The following PKHD1 variants were observed in gnomAD, a reference collection of about 807,000 sequenced individuals.
PKHD1 encodes the protein PKHD1 ciliary IPT domain containing fibrocystin/polyductin.
A neutral mutation model predicts 412.0 loss-of-function variants in PKHD1; 291 were observed. That is an observed-to-expected ratio of 0.71 (90% CI 0.64 to 0.78). PKHD1 has a LOEUF of 0.78. Ranked by LOEUF, PKHD1 falls within the 30% of genes least tolerant of loss-of-function variation. The pLI is 0.00. For missense variants in PKHD1, 4,825 were observed against 4,950.7 expected, an observed-to-expected ratio of 0.97 and a Z score of 0.76; for synonymous variants, 1,777 against 1,821.5, an observed-to-expected ratio of 0.98 and a Z score of 0.62.
chr6:51,739,632 T>C (rs1408449854), intron 60 of PKHD1, among the ~76,000 whole-genome samples: 1 of 152,210 alleles, frequency 6.6e-6, no homozygotes, highest in East Asian at 1.9e-4. Flanking sequence ...GAAATGTTGT[T>C]TTGCTCATTG....
intron 35 of PKHD1, among the ~76,000 whole-genome samples, chr6:51,989,337 C>A (rs12194064): frequency 0.02 from 3,081 of 152,300 alleles, 52 homozygotes; most frequent in South Asian, 0.049. Flanking sequence ...TAAAAAGGAG[C>A]CAATTAAAGT....
At chr6:52,079,085 C>T (rs1359912183) in intron 5 of PKHD1, among the ~76,000 whole-genome samples, 2 of 152,150 alleles carry the variant, frequency 1.3e-5, no homozygotes, top group African/African-American at 2.4e-5. Flanking sequence ...AACAGAGGTA[C>T]CCCATGTGAA....
chr6:52,004,446 G>A (rs540903734), intron 35 of PKHD1, among the ~76,000 whole-genome samples: 19 of 151,880 alleles, frequency 1.3e-4, no homozygotes, highest in South Asian at 4.2e-4. Context: ...TTTAAAGTCC[G>A]TATCTAGTAC....
chr6:52,036,436 G>C (rs908940836), intron 27 of PKHD1, among the ~76,000 whole-genome samples: 7 of 152,246 alleles, frequency 4.6e-5, no homozygotes, highest in African/African-American at 1.7e-4. Flanking sequence ...ACGTTTCCAT[G>C]TGGAGGAGCA....
rs188082985 is a variant in PKHD1 at position 51,908,590 on chromosome 6, C to T, written c.6682+693G>A. Among the ~76,000 whole-genome samples, 142 of 152,268 alleles carry T rather than the reference C, an allele frequency of 9.3e-4. 1 individual carries two copies. Among genetic ancestry groups the T allele is most frequent in the African/African-American group, 3.2e-3 (134 of 41,574 alleles). ...TGAGTTTTTGCCCTGGATGTTCCTA[C>T]ATTCAACTTTTATTTTAGAACTTTT... On this transcript the variant is annotated intron_variant, in intron 40 of 66. Transcript: ENST00000371117.
intron 60 of PKHD1, among the ~76,000 whole-genome samples, chr6:51,710,781 G>A (rs973245697): frequency 6.6e-6 from 1 of 152,168 alleles, no homozygotes; most frequent in African/African-American, 2.4e-5. Flanking sequence ...AAAACCAAAT[G>A]AGGTAAGCGC....
At chr6:51,792,958 G>A (rs1400957622) in intron 52 of PKHD1, among the ~76,000 whole-genome samples, 2 of 152,178 alleles carry the variant, frequency 1.3e-5, no homozygotes, top group African/African-American at 4.8e-5. Flanking sequence ...CTGGTCCTCA[G>A]TGTGATTATG....
intron 54 of PKHD1, among the ~76,000 whole-genome samples, chr6:51,774,442 G>A (rs1202142095): frequency 1.3e-5 from 2 of 151,898 alleles, no homozygotes; most frequent in Admixed American, 6.6e-5. Flanking sequence ...GTGTTATCAC[G>A]CTACAGAAAA....
At chr6:51,767,544 C>T (rs1291251613) in intron 55 of PKHD1, among the ~76,000 whole-genome samples, 3 of 152,184 alleles carry the variant, frequency 2.0e-5, no homozygotes, top group Admixed American at 2.0e-4. Flanking sequence ...TCAATTCCCA[C>T]CTATGAGTGA....
intron 12 of PKHD1, 101 bp downstream of exon 12, chr6:52,065,875 G>T: frequency 4.1e-6 from 3 of 736,248 alleles, no homozygotes; most frequent in South Asian, 1.5e-5. Context: ...GTCAGAAGGG[G>T]CAAAGCTTGC....
chr6:52,034,399 G>A (rs1354041391), intron 28 of PKHD1, among the ~76,000 whole-genome samples: 2 of 151,954 alleles, frequency 1.3e-5, no homozygotes, highest in East Asian at 3.9e-4. Flanking sequence ...TTTAACCTAT[G>A]CATCTATCAC....
At position 51,847,822 on chromosome 6, in the gene PKHD1, C is replaced by G; in HGVS notation, c.8060G>C (p.Gly2687Ala). Residue 2687 changes from glycine to alanine, a missense_variant, in exon 50 of 67, where the codon GGC becomes GCC. Coordinates refer to ENST00000371117, the MANE Select transcript of PKHD1 (RefSeq NM_138694.4). ...CTGGCTATTGAAGAACCAGTCACAG[C>G]CTTGGTTCTGACCTGGTGATGGAAG... ...PFLPSPGQNQ[G>A]CDWFFNSQLR... The G allele has an allele frequency of 6.2e-7, 1 of 1,613,906 alleles. No individual in the cohort carries two copies. Among genetic ancestry groups the G allele is most frequent in the Non-Finnish European group, 8.5e-7 (1 of 1,179,822 alleles).
chr6:51,757,925 G>A (rs991072543), intron 55 of PKHD1, among the ~76,000 whole-genome samples: 1 of 151,366 alleles, frequency 6.6e-6, no homozygotes, highest in Non-Finnish European at 1.5e-5. Flanking sequence ...GTGGGAGGAT[G>A]GCTTAGGCCC....
intron 27 of PKHD1, among the ~76,000 whole-genome samples, chr6:52,040,126 TA>T (rs1804610039): frequency 6.6e-6 from 1 of 152,206 alleles, no homozygotes; most frequent in Non-Finnish European, 1.5e-5. Context: ...GACTGACTAC[TA>T]ATGTATACAG....
At chr6:51,635,876 C>CGGGGGGGGGTG (rs1581768607) in intron 64 of PKHD1, among the ~76,000 whole-genome samples, 1 of 41,506 alleles carries the variant, frequency 2.4e-5, no homozygotes, top group African/African-American at 8.5e-5. Flanking sequence ...GGCGGGGGGC[C>CGGGGGGGGGTG]GGGGGCGGAT....
intron 63 of PKHD1, 76 bp from the exon 64 acceptor site, chr6:51,639,032 G>T: frequency 9.2e-7 from 1 of 1,081,946 alleles, no homozygotes; most frequent in African/African-American, 1.5e-5. Flanking sequence ...TTCTGCGAAG[G>T]CAGACATTTG....
In PKHD1 at chr6:52,066,176, CT is replaced by C. The variant is rs1809678895; in HGVS notation, c.779-100del. ...AATAGGAGATATTAATAATTTCTTACTTTAACTTTCTAAGTCCAGCAACAGT... is the reference window on the plus strand; with the variant it reads ...AATAGGAGATATTAATAATTTCTTACTTAACTTTCTAAGTCCAGCAACAGT... On this transcript the variant is annotated intron_variant, in intron 11 of 66. Transcript: ENST00000371117. The C allele has an allele frequency of 1.1e-5, 7 of 639,922 alleles. No individual in the cohort carries two copies. In the South Asian group the frequency reaches 1.3e-4, roughly 12 times the overall value. 39.6% of individuals were successfully genotyped at this position (639,922 alleles called of 1,614,324 possible). A position where few individuals can be genotyped will look rare whatever the true frequency, so the allele number is the denominator to read the frequency against.
chr6:51,841,933 G>C (rs76705767), intron 50 of PKHD1, among the ~76,000 whole-genome samples: 1 of 152,292 alleles, frequency 6.6e-6, no homozygotes, highest in African/African-American at 2.4e-5. Flanking sequence ...CTCCAACCCA[G>C]GAAAGCACTC....
intron 37 of PKHD1, among the ~76,000 whole-genome samples, chr6:51,915,697 T>TC (rs1452357943): frequency 2.0e-5 from 3 of 151,858 alleles, no homozygotes; most frequent in Non-Finnish European, 4.4e-5. Flanking sequence ...AACCCATGTG[T>TC]TCAGTACTCT....
Sources: gnomAD v4.1 joint callset for allele counts (sites outside exome capture counted in the v4.1 genomes callset) on GRCh38, gnomAD v4.1.1 for gene constraint, MANE v1.5 for transcripts, NCBI Gene and HGNC (gene_info 2026-07-23, HGNC 2026-07-21) for gene names.